The following GRIK2 variants were observed in gnomAD, a reference collection of about 807,000 sequenced individuals.
GRIK2 encodes glutamate ionotropic receptor kainate type subunit 2.
GRIK2 carries 32 observed loss-of-function variants against 100.3 expected under a neutral mutation model. That is an observed-to-expected ratio of 0.32 (90% CI 0.24 to 0.43). The LOEUF (loss-of-function observed/expected upper bound fraction) is 0.43. GRIK2 is among the 20% of genes least tolerant of loss of function. GRIK2 has a pLI of 1.00. For synonymous variants in GRIK2, 417 were observed against 389.4 expected (o/e 1.07, Z -0.83); for missense variants, 843 against 1,114.9 (o/e 0.76, Z 3.47).
chr6:102,003,977 CTT>C lies in GRIK2; in HGVS notation c.2086-31363_2086-31362del, dbSNP rs758332545. Reference sequence around the variant, plus strand: ...GTTAACTATATTTTCTTTTTTCTCTCTTATTAATTCCATCTATGTTTCTGTAG... The same window carrying C: ...GTTAACTATATTTTCTTTTTTCTCTCATTAATTCCATCTATGTTTCTGTAG... On this transcript the variant is annotated intron_variant, in intron 14 of 16. Transcript: ENST00000369134. 3.2e-4 allele frequency among the ~76,000 whole-genome samples: 49 copies of C among 151,120 alleles called. 3 individuals are homozygous for C. The highest frequency in any genetic ancestry group is 3.1e-3 in the South Asian group (15 of 4,794).
At chr6:101,646,351 C>T (rs1781527473) in intron 4 of GRIK2, among the ~76,000 whole-genome samples, 1 of 151,784 alleles carries the variant, frequency 6.6e-6, no homozygotes, top group Non-Finnish European at 1.5e-5. Flanking sequence ...TCTAGTTTAG[C>T]CAGGACAAGA....
chr6:101,466,174 T>C (rs535691579), intron 2 of GRIK2, among the ~76,000 whole-genome samples: 1 of 152,194 alleles, frequency 6.6e-6, no homozygotes, highest in African/African-American at 2.4e-5. Flanking sequence ...CTCTTCACCT[T>C]GAAACTCCTT....
intron 4 of GRIK2, among the ~76,000 whole-genome samples, chr6:101,650,896 A>T (rs1781754450): frequency 2.0e-5 from 3 of 151,988 alleles, no homozygotes; most frequent in Non-Finnish European, 4.4e-5. Context: ...GCCATCGCAT[A>T]TGCATTAAAC....
At chr6:101,825,387 G>A (rs1011921879) in intron 10 of GRIK2, among the ~76,000 whole-genome samples, 2 of 151,970 alleles carry the variant, frequency 1.3e-5, no homozygotes, top group Non-Finnish European at 1.5e-5. Context: ...CTTCCACAAA[G>A]CTAGTCAAAT....
At chr6:101,568,251 A>G (rs1777375470) in intron 2 of GRIK2, among the ~76,000 whole-genome samples, 1 of 151,956 alleles carries the variant, frequency 6.6e-6, no homozygotes, top group African/African-American at 2.4e-5. Context: ...TCTGCTCAAC[A>G]TTCTACATTG....
intron 7 of GRIK2, among the ~76,000 whole-genome samples, chr6:101,787,700 T>C (rs1431546992): frequency 6.6e-6 from 1 of 152,168 alleles, no homozygotes; most frequent in Non-Finnish European, 1.5e-5. Context: ...TTTTAAAAGT[T>C]TGTTGAAACA....
intron 7 of GRIK2, among the ~76,000 whole-genome samples, chr6:101,719,138 G>GATTTTTTTTTTTTTTTTTTTTTTTTTT (rs1774275769): frequency 9.9e-6 from 1 of 101,170 alleles, no homozygotes; most frequent in African/African-American, 5.0e-5. Context: ...GGCTGCAAGG[G>GATTTTTTTTTTTTTTTTTTTTTTTTTT]TTTTTTTTTT....
chr6:101,477,039 ACTCT>A (rs940393981), intron 2 of GRIK2, among the ~76,000 whole-genome samples: 5 of 152,210 alleles, frequency 3.3e-5, no homozygotes, highest in African/African-American at 9.6e-5. Flanking sequence ...GCATTTTTAA[ACTCT>A]CTATCGCCTA....
At chr6:101,744,554 A>ACACACATATATATATATATATGTG (rs1562351796) in intron 7 of GRIK2, 1 of 114,814 alleles carries the variant, frequency 8.7e-6, no homozygotes, top group African/African-American at 3.6e-5. Context: ...ATATATATAT[A>ACACACATATATATATATATATGTG]TATATCACAA....
chr6:101,928,011 C>T, intron 13 of GRIK2: 1 of 167,038 alleles, frequency 6.0e-6, no homozygotes, highest in South Asian at 1.4e-4. Context: ...AGAAAGGGAT[C>T]CAAAAGTATA....
chr6:101,811,670 C>A (rs1056443993), intron 9 of GRIK2, among the ~76,000 whole-genome samples: 7 of 151,570 alleles, frequency 4.6e-5, no homozygotes, highest in African/African-American at 1.7e-4. Flanking sequence ...GACATTGATC[C>A]GGTGTACACA....
intron 7 of GRIK2, among the ~76,000 whole-genome samples, chr6:101,779,127 A>G (rs1221790258): frequency 6.6e-6 from 1 of 152,118 alleles, no homozygotes; most frequent in Non-Finnish European, 1.5e-5. Flanking sequence ...AATTTTTCCA[A>G]AGTATAAGGA....
intron 2 of GRIK2, among the ~76,000 whole-genome samples, chr6:101,616,977 T>G (rs557225233): frequency 6.6e-6 from 1 of 151,830 alleles, no homozygotes; most frequent in South Asian, 2.1e-4. Flanking sequence ...ATATATTATT[T>G]TCTTGTAAAA....
intron 7 of GRIK2, among the ~76,000 whole-genome samples, chr6:101,722,557 G>T (rs1030131051): frequency 6.6e-6 from 1 of 152,008 alleles, no homozygotes; most frequent in African/African-American, 2.4e-5. Context: ...GTGTTAATGA[G>T]CACAAGATTA....
chr6:102,024,018 A>G (rs538777247), intron 14 of GRIK2, among the ~76,000 whole-genome samples: 29 of 151,350 alleles, frequency 1.9e-4, no homozygotes, highest in Non-Finnish European at 3.4e-4. Context: ...GGGAGAAAAA[A>G]GAGTCTAAAA....
At chr6:102,019,676 G>C (rs551499473) in intron 14 of GRIK2, among the ~76,000 whole-genome samples, 40 of 152,042 alleles carry the variant, frequency 2.6e-4, no homozygotes, top group Middle Eastern at 3.4e-3. Flanking sequence ...TTAGGATTAT[G>C]AGCTTTACTT....
intron 7 of GRIK2, among the ~76,000 whole-genome samples, chr6:101,690,693 T>A (rs11963504): frequency 0.011 from 1,647 of 152,200 alleles, 37 homozygotes; most frequent in African/African-American, 0.038. Flanking sequence ...AGCCTCATAT[T>A]TGCTTGCTCC....
At chr6:101,534,350 G>T (rs755124715) in intron 2 of GRIK2, among the ~76,000 whole-genome samples, 19 of 151,888 alleles carry the variant, frequency 1.3e-4, no homozygotes, top group Non-Finnish European at 1.9e-4. Context: ...GTGGTGTTTA[G>T]ATTTTTGAGG....
At chr6:101,983,772 G>A (rs900691232) in intron 14 of GRIK2, among the ~76,000 whole-genome samples, 2 of 151,656 alleles carry the variant, frequency 1.3e-5, no homozygotes, top group Non-Finnish European at 1.5e-5. Flanking sequence ...GGTTGTCCTA[G>A]GAATGTACAG....
Sources: gnomAD v4.1 joint callset for allele counts (sites outside exome capture counted in the v4.1 genomes callset) on GRCh38, gnomAD v4.1.1 for gene constraint, MANE v1.5 for transcripts, NCBI Gene and HGNC (gene_info 2026-07-23, HGNC 2026-07-21) for gene names.